Variants in ST8SIA6 observed in about 807,000 individuals in gnomAD.
ST8SIA6 encodes alpha-2,8-sialyltransferase 8F.
Under a neutral mutation model 33.6 loss-of-function variants are expected in ST8SIA6, and 39 were observed. The observed-to-expected ratio is 1.16, with a 90% CI of 0.90 to 1.52. The LOEUF (loss-of-function observed/expected upper bound fraction) is 1.52. Ranked by LOEUF, ST8SIA6 falls within the 40% of genes most tolerant of loss-of-function variation. The pLI, the probability that ST8SIA6 is intolerant of heterozygous loss-of-function variation, is 0.00. For synonymous variants in ST8SIA6, 172 were observed against 167.2 expected (o/e 1.03, Z -0.22); for missense variants, 441 against 443.8 (o/e 0.99, Z 0.06).
chr10:17,357,416 GT>G (rs1849236163), intron 4 of ST8SIA6, among the ~76,000 whole-genome samples: 1 of 151,772 alleles, frequency 6.6e-6, no homozygotes, highest in Non-Finnish European at 1.5e-5. Context: ...GATTACAGGC[GT>G]GAGCCATACG....
chr10:17,406,725 C>A (rs1265831764), intron 2 of ST8SIA6, among the ~76,000 whole-genome samples: 2 of 151,722 alleles, frequency 1.3e-5, no homozygotes, highest in African/African-American at 4.8e-5. Flanking sequence ...TGTTAAAATG[C>A]AGATTCTGGT....
chr10:17,426,220 G>A (rs563145291), intron 2 of ST8SIA6, among the ~76,000 whole-genome samples: 2 of 152,310 alleles, frequency 1.3e-5, no homozygotes, highest in South Asian at 4.1e-4. Context: ...CTGTGAACAT[G>A]TGGGACTAAT....
intron 2 of ST8SIA6, among the ~76,000 whole-genome samples, chr10:17,440,740 G>A (rs1288687740): frequency 6.6e-6 from 1 of 151,986 alleles, no homozygotes; most frequent in Non-Finnish European, 1.5e-5. Context: ...TTCGGCAGTA[G>A]AAGCTAACCT....
intron 2 of ST8SIA6, among the ~76,000 whole-genome samples, chr10:17,415,906 T>A (rs1851593670): frequency 6.7e-6 from 1 of 148,692 alleles, no homozygotes; most frequent in African/African-American, 2.5e-5. Context: ...ACCTCCCAGG[T>A]TTATGCGATT....
chr10:17,443,506 T>A (rs1852580569), intron 2 of ST8SIA6, among the ~76,000 whole-genome samples: 1 of 152,206 alleles, frequency 6.6e-6, no homozygotes, highest in South Asian at 2.1e-4. Flanking sequence ...ACTAGCAAGA[T>A]AACAAAAATT....
intron 6 of ST8SIA6, among the ~76,000 whole-genome samples, chr10:17,324,790 A>G (rs1848068446): frequency 1.4e-5 from 2 of 148,042 alleles, no homozygotes; most frequent in Non-Finnish European, 1.5e-5. Flanking sequence ...CATGGTATGT[A>G]TGCATGTATT....
At chr10:17,367,874 A>AT (rs1849603569) in intron 3 of ST8SIA6, among the ~76,000 whole-genome samples, 2 of 152,180 alleles carry the variant, frequency 1.3e-5, no homozygotes, top group Non-Finnish European at 2.9e-5. Flanking sequence ...CTTAAACCAT[A>AT]TATGAGTGGC....
chr10:17,441,972 G>A lies in ST8SIA6; in HGVS notation c.200+11587C>T, dbSNP rs542712600. Among the ~76,000 whole-genome samples the A allele has an allele frequency of 4.0e-5, 6 of 151,858 alleles. No homozygotes were observed. The South Asian group carries it at 1.0e-3, about 26-fold the overall frequency. On this transcript the variant is annotated intron_variant, in intron 2 of 7. Coordinates refer to ENST00000377602, the MANE Select transcript of ST8SIA6 (RefSeq NM_001004470.3). Reference sequence around the variant, plus strand: ...CAACCTCCACCTCCCAGGTTCAAGCGATTCTCTTGCCTCAGCCTCCCAGGT... The same window carrying A: ...CAACCTCCACCTCCCAGGTTCAAGCAATTCTCTTGCCTCAGCCTCCCAGGT...
intron 2 of ST8SIA6, among the ~76,000 whole-genome samples, chr10:17,442,443 A>C (rs1255555236): frequency 1.3e-5 from 2 of 152,138 alleles, no homozygotes; most frequent in East Asian, 3.8e-4. Flanking sequence ...CCCAGAATAA[A>C]CCTGAGTAAC....
chr10:17,421,732 T>A (rs1401490721), intron 2 of ST8SIA6, among the ~76,000 whole-genome samples: 3 of 150,150 alleles, frequency 2.0e-5, no homozygotes, highest in East Asian at 1.9e-4. Flanking sequence ...CCTTCTAATT[T>A]AAAAAAAAAA....
At chr10:17,358,681 A>G (rs999734289) in intron 4 of ST8SIA6, among the ~76,000 whole-genome samples, 2 of 71,640 alleles carry the variant, frequency 2.8e-5, no homozygotes, top group Admixed American at 1.3e-4. Flanking sequence ...AGAAAGAAGA[A>G]GAGGAAGAGG....
At chr10:17,351,245 T>A (rs1849019719) in intron 4 of ST8SIA6, among the ~76,000 whole-genome samples, 1 of 151,944 alleles carries the variant, frequency 6.6e-6, no homozygotes, top group Non-Finnish European at 1.5e-5. Flanking sequence ...TGACATGTGA[T>A]GGCAGAGGCA....
chr10:17,387,454 G>C (rs370546208), intron 3 of ST8SIA6, among the ~76,000 whole-genome samples: 8,570 of 137,788 alleles, frequency 0.062, 556 homozygotes, highest in East Asian at 0.12. Flanking sequence ...GGGCGGGGGG[G>C]GGGGGGTTCT....
chr10:17,441,492 T>C (rs1852491916), intron 2 of ST8SIA6, among the ~76,000 whole-genome samples: 1 of 151,984 alleles, frequency 6.6e-6, no homozygotes, highest in South Asian at 2.1e-4. Flanking sequence ...GTTTTGTATT[T>C]AGTAGAGACA....
chr10:17,396,000 G>T (rs1326533816), intron 2 of ST8SIA6, among the ~76,000 whole-genome samples: 1 of 152,202 alleles, frequency 6.6e-6, no homozygotes, highest in Non-Finnish European at 1.5e-5. Flanking sequence ...AGACCATGGC[G>T]ACCCTCATGG....
At position 17,423,092 on chromosome 10, in the gene ST8SIA6, G is replaced by A. The variant is rs562074866; in HGVS notation, c.200+30467C>T. On this transcript the variant is annotated intron_variant, in intron 2 of 7. Coordinates refer to ENST00000377602, the MANE Select transcript of ST8SIA6 (RefSeq NM_001004470.3). Reference sequence around the variant, plus strand: ...CCGGAGCCAAGGAGACACTCAGGGAGTGCTTGGTAACAAAAAATATGGACC... The same window carrying A: ...CCGGAGCCAAGGAGACACTCAGGGAATGCTTGGTAACAAAAAATATGGACC... 2.0e-5 allele frequency among the ~76,000 whole-genome samples: 3 copies of A among 152,304 alleles called. No individual in the cohort carries two copies. The East Asian group carries it at 5.8e-4, about 29-fold the overall frequency.
rs141042820 is a variant in ST8SIA6 at position 17,370,230 on chromosome 10, G to A, written c.291-10630C>T. Among the ~76,000 whole-genome samples the A allele has an allele frequency of 5.5e-3, 830 of 152,158 alleles. 1 individual carries two copies. The highest frequency in any genetic ancestry group is 0.01 in the Middle Eastern group (3 of 294). On this transcript the variant is annotated intron_variant, in intron 3 of 7. Coordinates refer to ENST00000377602, the MANE Select transcript of ST8SIA6 (RefSeq NM_001004470.3). Reference sequence around the variant, plus strand: ...GATCTCCTGACCTCGTGATCCGTCCGTCTCGGCCTCTCGAAGTGCTGGGAT... The same window carrying A: ...GATCTCCTGACCTCGTGATCCGTCCATCTCGGCCTCTCGAAGTGCTGGGAT...
At chr10:17,394,643 C>T (rs1340496491) in intron 2 of ST8SIA6, among the ~76,000 whole-genome samples, 1 of 152,116 alleles carries the variant, frequency 6.6e-6, no homozygotes, top group East Asian at 1.9e-4. Context: ...CAAGAGTCTT[C>T]AGAGTTTTCT....
At position 17,317,638 on chromosome 10, in the gene ST8SIA6, A is replaced by G. The variant is rs1226831383; in HGVS notation, c.*3240T>C. ...GGACCTGTTTTCCACAAAATTTTCCACTTTTCCCAAAGCTTCCTAATTCAT... is the reference window on the plus strand; with the variant it reads ...GGACCTGTTTTCCACAAAATTTTCCGCTTTTCCCAAAGCTTCCTAATTCAT... On this transcript the variant is annotated 3_prime_UTR_variant, in exon 8 of 8. Coordinates refer to ENST00000377602, the MANE Select transcript of ST8SIA6 (RefSeq NM_001004470.3). Among the ~76,000 whole-genome samples, 1 of 152,146 alleles carries G rather than the reference A, an allele frequency of 6.6e-6. No individual in the cohort carries two copies. Among genetic ancestry groups the G allele is most frequent in the Non-Finnish European group, 1.5e-5 (1 of 68,016 alleles).
Sources: allele counts gnomAD v4.1 joint callset (sites outside exome capture counted in the v4.1 genomes callset), GRCh38; gene constraint gnomAD v4.1.1; transcripts MANE v1.5; gene names NCBI Gene and HGNC (gene_info 2026-07-23, HGNC 2026-07-21).